The following PCMT1 variants were observed in gnomAD, a reference collection of about 807,000 sequenced individuals.
The protein encoded by PCMT1 is protein-L-isoaspartate (D-aspartate) O-methyltransferase.
A neutral mutation model predicts 29.2 loss-of-function variants in PCMT1; 9 were observed. That is an observed-to-expected ratio of 0.31 (90% CI 0.19 to 0.54). The LOEUF is 0.54. Ranked by LOEUF, PCMT1 falls within the 20% of genes least tolerant of loss-of-function variation. The pLI, the probability that PCMT1 is intolerant of heterozygous loss-of-function variation, is 0.95. For missense variants in PCMT1, 184 were observed against 282.2 expected (o/e 0.65, Z 2.49); for synonymous variants, 98 against 97.5 (o/e 1.00, Z -0.03).
chr6:149,779,196 TCA>T (rs1224549972), intron 3 of PCMT1, among the ~76,000 whole-genome samples: 1 of 151,974 alleles, frequency 6.6e-6, no homozygotes, highest in Non-Finnish European at 1.5e-5. Flanking sequence ...GGCTGTAAAG[TCA>T]CAAAGTTGAT....
intron 5 of PCMT1, chr6:149,795,191 C>T (rs1411420398): frequency 3.7e-6 from 1 of 267,302 alleles, no homozygotes; most frequent in Non-Finnish European, 6.3e-6. Context: ...GAGACTTCGT[C>T]TCAAAAAAAA....
intron 7 of PCMT1, among the ~76,000 whole-genome samples, chr6:149,803,340 C>T (rs1443954709): frequency 6.6e-6 from 1 of 152,018 alleles, no homozygotes; most frequent in African/African-American, 2.4e-5. Context: ...GGCTAAATTC[C>T]TAGGAAGAGG....
chr6:149,759,755 A>G (rs912266899), intron 1 of PCMT1, among the ~76,000 whole-genome samples: 58 of 152,156 alleles, frequency 3.8e-4, no homozygotes, highest in African/African-American at 1.4e-3. Flanking sequence ...TCGGCCTCCC[A>G]AAGTGCTGGG....
chr6:149,753,899 A>G (rs1437041375), intron 1 of PCMT1, among the ~76,000 whole-genome samples: 1 of 152,132 alleles, frequency 6.6e-6, no homozygotes, highest in African/African-American at 2.4e-5. Flanking sequence ...TCACCTGGAG[A>G]GCTTTTCAAA....
At chr6:149,805,883 T>G (rs548440113) in intron 7 of PCMT1, among the ~76,000 whole-genome samples, 2 of 151,106 alleles carry the variant, frequency 1.3e-5, no homozygotes, top group Middle Eastern at 6.8e-3. Flanking sequence ...GGAGGTTGCA[T>G]TGAGCCTACA....
intron 1 of PCMT1, among the ~76,000 whole-genome samples, chr6:149,764,916 C>T (rs954505633): frequency 1.3e-5 from 2 of 149,428 alleles, no homozygotes; most frequent in Non-Finnish European, 3.0e-5. Flanking sequence ...TGGCGGGTGC[C>T]TGTAGTCCCA....
At chr6:149,771,829 CTT>C (rs1456704687) in intron 2 of PCMT1, among the ~76,000 whole-genome samples, 2 of 152,092 alleles carry the variant, frequency 1.3e-5, no homozygotes, top group Admixed American at 6.6e-5. Context: ...TAAAAAAAAA[CTT>C]TTAATGAAAA....
intron 7 of PCMT1, among the ~76,000 whole-genome samples, chr6:149,804,629 T>A (rs1775954261): frequency 6.6e-6 from 1 of 152,090 alleles, no homozygotes; most frequent in African/African-American, 2.4e-5. Context: ...TTCTCCTGCC[T>A]CAGCTTCCCA....
At chr6:149,772,152 AAC>A in intron 2 of PCMT1, 1 of 455,548 alleles carries the variant, frequency 2.2e-6, no homozygotes, top group Non-Finnish European at 4.4e-6. Flanking sequence ...GACGCACTAT[AAC>A]AGTCAGCAGA....
intron 1 of PCMT1, among the ~76,000 whole-genome samples, chr6:149,757,539 T>C (rs1786557413): frequency 6.6e-6 from 1 of 152,174 alleles, no homozygotes; most frequent in Non-Finnish European, 1.5e-5. Flanking sequence ...GGAGGTGGTT[T>C]GGTTTAGCAA....
chr6:149,787,865 C>T (rs1788190022), intron 3 of PCMT1, among the ~76,000 whole-genome samples: 2 of 151,356 alleles, frequency 1.3e-5, no homozygotes, highest in Non-Finnish European at 2.9e-5. Context: ...ATTATATTTC[C>T]GTTTTTCTGA....
At chr6:149,771,798 A>G (rs577522537) in intron 2 of PCMT1, among the ~76,000 whole-genome samples, 52 of 152,310 alleles carry the variant, frequency 3.4e-4, no homozygotes, top group African/African-American at 1.2e-3. Flanking sequence ...GATTACAGGC[A>G]TGAGCCACCA....
intron 1 of PCMT1, among the ~76,000 whole-genome samples, chr6:149,750,786 CTG>C (rs1366450004): frequency 6.6e-6 from 1 of 152,118 alleles, no homozygotes; most frequent in Non-Finnish European, 1.5e-5. Context: ...AGGATGAGTG[CTG>C]TGTCACTTTC....
chr6:149,750,080 T>C (rs1441794448), intron 1 of PCMT1, 124 bp downstream of exon 1: 1 of 1,348,386 alleles, frequency 7.4e-7, no homozygotes, highest in East Asian at 2.7e-5. Context: ...CGGCGCAGAG[T>C]TGCCCCGGTA....
chr6:149,786,652 A>G, intron 3 of PCMT1, among the ~76,000 whole-genome samples: 1 of 147,166 alleles, frequency 6.8e-6, no homozygotes, highest in Non-Finnish European at 1.5e-5. Flanking sequence ...GCGGCCGGGC[A>G]GAGACGCTCC....
chr6:149,796,512 T>A lies in PCMT1; in HGVS notation c.504+12T>A, dbSNP rs1313754329. On this transcript the variant is annotated intron_variant, in intron 6 of 7. Transcript: ENST00000464889. ...TTGTACCCCAGGCGGTGAGTCGGGATTTTTTCTGTTTGTGTGTTTTTATTC... is the reference window on the plus strand; with the variant it reads ...TTGTACCCCAGGCGGTGAGTCGGGAATTTTTCTGTTTGTGTGTTTTTATTC... 1 of 1,597,942 alleles carries A rather than the reference T, an allele frequency of 6.3e-7. No homozygotes were observed.
intron 3 of PCMT1, among the ~76,000 whole-genome samples, chr6:149,778,298 A>G (rs1787661184): frequency 6.6e-6 from 1 of 151,596 alleles, no homozygotes; most frequent in Non-Finnish European, 1.5e-5. Context: ...GCACAGTCTC[A>G]GCTTAGTGAA....
intron 5 of PCMT1, 148 bp downstream of exon 5, chr6:149,793,817 T>A: frequency 1.6e-6 from 1 of 621,722 alleles, no homozygotes; most frequent in Non-Finnish European, 2.4e-6. Flanking sequence ...TTATTTTTGC[T>A]CACCTAGTGT....
At chr6:149,805,830 A>G (rs2115348704) in intron 7 of PCMT1, among the ~76,000 whole-genome samples, 1 of 151,318 alleles carries the variant, frequency 6.6e-6, no homozygotes, top group Non-Finnish European at 1.5e-5. Flanking sequence ...AATTCCAGCT[A>G]CTCGGGAGGC....
Sources: allele counts gnomAD v4.1 joint callset (sites outside exome capture counted in the v4.1 genomes callset), GRCh38; gene constraint gnomAD v4.1.1; transcripts MANE v1.5; gene names NCBI Gene and HGNC (gene_info 2026-07-23, HGNC 2026-07-21).